XYLT1: variants seen among roughly 807,000 people sequenced by gnomAD.
XYLT1 encodes the protein xylosyltransferase 1.
A neutral mutation model predicts 91.3 loss-of-function variants in XYLT1; 36 were observed. The ratio of observed to expected loss-of-function variants is 0.39; its 90% confidence interval spans 0.30 to 0.52. XYLT1 has a LOEUF of 0.52. Ranked by LOEUF, XYLT1 falls within the 20% of genes least tolerant of loss-of-function variation. The pLI is 0.68. For synonymous variants in XYLT1, 588 were observed against 532.0 expected, an observed-to-expected ratio of 1.11 and a Z score of -1.45; for missense variants, 1,242 against 1,284.5, an observed-to-expected ratio of 0.97 and a Z score of 0.51.
intron 3 of XYLT1, among the ~76,000 whole-genome samples, chr16:17,236,614 C>G (rs903742452): frequency 3.9e-5 from 6 of 152,152 alleles, no homozygotes; most frequent in Admixed American, 2.6e-4. Context: ...GTGCCGGAGG[C>G]TGGAGGTCCA....
chr16:17,258,287 A>C (rs942171233), intron 3 of XYLT1, among the ~76,000 whole-genome samples: 2 of 151,896 alleles, frequency 1.3e-5, no homozygotes, highest in African/African-American at 2.4e-5. Flanking sequence ...GAAAATAGGA[A>C]GAAAAGAGGA....
chr16:17,164,038 C>A (rs76580486), intron 5 of XYLT1, among the ~76,000 whole-genome samples: 8 of 44,424 alleles, frequency 1.8e-4, no homozygotes, highest in Admixed American at 5.1e-4. Flanking sequence ...AACTCTGTCT[C>A]AAAAAAAAAA....
intron 11 of XYLT1, among the ~76,000 whole-genome samples, chr16:17,117,153 C>T (rs929748525): frequency 6.6e-6 from 1 of 152,188 alleles, no homozygotes; most frequent in Non-Finnish European, 1.5e-5. Flanking sequence ...AGGTAGTGGG[C>T]TGGATTGGCC....
At chr16:17,451,992 C>A (rs2036670783) in intron 1 of XYLT1, among the ~76,000 whole-genome samples, 1 of 152,122 alleles carries the variant, frequency 6.6e-6, no homozygotes, top group Non-Finnish European at 1.5e-5. Flanking sequence ...TTGATGTGGG[C>A]AGGCTAAGTG....
At chr16:17,376,589 G>A (rs888339844) in intron 1 of XYLT1, among the ~76,000 whole-genome samples, 2 of 152,164 alleles carry the variant, frequency 1.3e-5, no homozygotes, top group African/African-American at 4.8e-5. Context: ...CACTTTGAGA[G>A]GCCAAGGCAG....
chr16:17,300,988 G>A (rs1353375482), intron 2 of XYLT1, among the ~76,000 whole-genome samples: 2 of 151,962 alleles, frequency 1.3e-5, no homozygotes, highest in Non-Finnish European at 2.9e-5. Context: ...CTGGGCCTCC[G>A]TTCCTTTCTC....
intron 1 of XYLT1, among the ~76,000 whole-genome samples, chr16:17,444,345 C>T (rs2036567640): frequency 6.6e-6 from 1 of 152,066 alleles, no homozygotes; most frequent in African/African-American, 2.4e-5. Flanking sequence ...TTGTTCACTA[C>T]TTTTTTTGTC....
chr16:17,365,107 C>T lies in XYLT1; in HGVS notation c.364-7057G>A, dbSNP rs1436828883. 3.3e-5 allele frequency among the ~76,000 whole-genome samples: 5 copies of T among 152,324 alleles called. No homozygotes were observed. The East Asian group carries it at 5.8e-4, about 18-fold the overall frequency. The stretch of plus-strand genomic sequence containing the variant: ...AGAGCGTTGGTGTTCACGCTCTGCA[C>T]CCCCAAGAAATTTCCAGGACGGGTG... On this transcript the variant is annotated intron_variant, in intron 1 of 11. Coordinates refer to ENST00000261381, the MANE Select transcript of XYLT1 (RefSeq NM_022166.4).
At chr16:17,347,701 T>C (rs1020307712) in intron 2 of XYLT1, among the ~76,000 whole-genome samples, 3 of 152,226 alleles carry the variant, frequency 2.0e-5, no homozygotes, top group African/African-American at 7.2e-5. Flanking sequence ...TGACTCCCCA[T>C]GGCAAGTCCC....
chr16:17,295,651 C>G (rs935485921), intron 2 of XYLT1, among the ~76,000 whole-genome samples: 2 of 152,184 alleles, frequency 1.3e-5, no homozygotes, highest in African/African-American at 4.8e-5. Flanking sequence ...CCACCACACC[C>G]GACCCAAGAG....
intron 2 of XYLT1, among the ~76,000 whole-genome samples, chr16:17,303,260 C>T (rs1268536246): frequency 6.6e-6 from 1 of 152,212 alleles, no homozygotes; most frequent in Non-Finnish European, 1.5e-5. Context: ...CTGCAATCCT[C>T]TTTTGCGAAC....
intron 2 of XYLT1, among the ~76,000 whole-genome samples, chr16:17,263,592 G>C (rs1174612551): frequency 6.6e-6 from 1 of 151,846 alleles, no homozygotes; most frequent in African/African-American, 2.4e-5. Flanking sequence ...AAAAGTCAGA[G>C]AGAGGCGCAG....
At chr16:17,441,386 C>A (rs898853013) in intron 1 of XYLT1, among the ~76,000 whole-genome samples, 1 of 151,764 alleles carries the variant, frequency 6.6e-6, no homozygotes, top group South Asian at 2.1e-4. Flanking sequence ...TTAAATATTG[C>A]ACTAAAAAAA....
chr16:17,195,580 GGA>G (rs751587405), intron 5 of XYLT1, among the ~76,000 whole-genome samples: 12 of 152,046 alleles, frequency 7.9e-5, no homozygotes, highest in Non-Finnish European at 1.8e-4. Flanking sequence ...CAAGTAGGGG[GGA>G]TTACAGGCAC....
At chr16:17,206,967 C>A (rs556282324) in intron 3 of XYLT1, among the ~76,000 whole-genome samples, 6 of 151,680 alleles carry the variant, frequency 4.0e-5, no homozygotes, top group Non-Finnish European at 8.8e-5. Flanking sequence ...TCTGAATCAT[C>A]TGGAATTCTA....
intron 3 of XYLT1, among the ~76,000 whole-genome samples, chr16:17,238,427 A>G (rs2033282441): frequency 6.6e-6 from 1 of 152,230 alleles, no homozygotes; most frequent in Admixed American, 6.5e-5. Context: ...GGAGCTGCAC[A>G]GTTTCTGTTG....
At chr16:17,137,904 A>G (rs1048501014) in intron 8 of XYLT1, among the ~76,000 whole-genome samples, 1 of 152,218 alleles carries the variant, frequency 6.6e-6, no homozygotes, top group Non-Finnish European at 1.5e-5. Context: ...ATGTCCCAAC[A>G]GAGAATCATC....
At chr16:17,379,728 ATCTC>A (rs71137986) in intron 1 of XYLT1, among the ~76,000 whole-genome samples, 10,539 of 125,190 alleles carry the variant, frequency 0.084, 455 homozygotes, top group Non-Finnish European at 0.092. Context: ...AATGAAGGAT[ATCTC>A]TCTCTCTCTC....
At chr16:17,144,228 C>T (rs776404739) in intron 6 of XYLT1, among the ~76,000 whole-genome samples, 17 of 152,154 alleles carry the variant, frequency 1.1e-4, no homozygotes, top group South Asian at 2.1e-4. Flanking sequence ...AAGTGCTTAG[C>T]GAGTATTCAC....
Sources: allele counts gnomAD v4.1 joint callset (sites outside exome capture counted in the v4.1 genomes callset), GRCh38; gene constraint gnomAD v4.1.1; transcripts MANE v1.5; gene names NCBI Gene and HGNC (gene_info 2026-07-23, HGNC 2026-07-21).